Variants in MTIF2 observed in about 807,000 individuals in gnomAD.
The protein encoded by MTIF2 is translation initiation factor IF-2, mitochondrial.
A neutral mutation model predicts 83.5 loss-of-function variants in MTIF2; 71 were observed. That is an observed-to-expected ratio of 0.85 (90% CI 0.70 to 1.04). The LOEUF (loss-of-function observed/expected upper bound fraction) is 1.04, where lower values mean the gene tolerates loss of function less well. MTIF2 is among the 50% of genes least tolerant of loss of function. The pLI is 0.00. For synonymous variants in MTIF2, 319 were observed against 287.1 expected, an observed-to-expected ratio of 1.11 and a Z score of -1.12; for missense variants, 957 against 846.5, an observed-to-expected ratio of 1.13 and a Z score of -1.62.
rs1466597416 is a variant in MTIF2 at position 55,252,531 on chromosome 2, CATCTGCAGCTACAACCAATACGACA to C, written c.762_786del (p.Ile254MetfsTer4). 4 of 1,614,070 alleles carry C rather than the reference CATCTGCAGCTACAACCAATACGACA, an allele frequency of 2.5e-6. No individual in the cohort carries two copies. Among genetic ancestry groups the C allele is most frequent in the Non-Finnish European group, 3.4e-6 (4 of 1,180,022 alleles). ...TCTACAGTTTGTTTCATCACTCCAT[CATCTGCAGCTACAACCAATACGACA>C]ATGTCAGTGACCTGAGCACCTCTGG... is the stretch of plus-strand genomic sequence containing the variant. On this transcript the variant is annotated frameshift_variant, in exon 8 of 16. Transcript: ENST00000263629. LOFTEE classifies it high-confidence loss of function.
At chr2:55,264,436 C>T (rs1304342318) in intron 3 of MTIF2, among the ~76,000 whole-genome samples, 1 of 152,062 alleles carries the variant, frequency 6.6e-6, no homozygotes, top group Non-Finnish European at 1.5e-5. Flanking sequence ...GGTGTTTCAC[C>T]ACATTGTCTA....
At chr2:55,253,961 G>C (rs1302667044) in intron 7 of MTIF2, 80 bp downstream of exon 7, 31 of 1,439,812 alleles carry the variant, frequency 2.2e-5, no homozygotes, top group Non-Finnish European at 2.9e-5. Flanking sequence ...CTTTGAATTT[G>C]TATATTTCAT....
At position 55,240,123 on chromosome 2, in the gene MTIF2, A is replaced by C; in HGVS notation, c.1758T>G (p.Ala586=). Residue 586 remains alanine (A), a synonymous_variant, in exon 14 of 16, where the codon GCT becomes GCG. Transcript: ENST00000263629. ...GTTTAATTTTTACTCCTTTTTTTGCAGCTGACTGTTGGATAACATTGCCTG... is the reference window on the plus strand; with the variant it reads ...GTTTAATTTTTACTCCTTTTTTTGCCGCTGACTGTTGGATAACATTGCCTG... ...VNAGNVIQQS[A]AKKGVKIKLH... 1 of 1,614,000 alleles carries C rather than the reference A, an allele frequency of 6.2e-7. No individual in the cohort carries two copies. Among genetic ancestry groups the C allele is most frequent in the Non-Finnish European group, 8.5e-7 (1 of 1,179,960 alleles).
rs542297890 is a variant in MTIF2 at position 55,240,196 on chromosome 2, C to A, written c.1706-21G>T. 511 of 1,578,952 alleles carry A rather than the reference C, an allele frequency of 3.2e-4. 3 individuals carry two copies. In the South Asian group the frequency reaches 3.9e-3, roughly 12 times the overall value. Reference sequence around the variant, plus strand: ...AACACCTAGCAAACAGAAATATGATCAATGAAGTAGCACAACGATTACATT... The same window carrying A: ...AACACCTAGCAAACAGAAATATGATAAATGAAGTAGCACAACGATTACATT... On this transcript the variant is annotated intron_variant, in intron 13 of 15. Coordinates refer to ENST00000263629, the MANE Select transcript of MTIF2 (RefSeq NM_002453.3).
intron 13 of MTIF2, 36 bp from the exon 14 acceptor site, chr2:55,240,211 A>G (rs369373906): frequency 1.5e-5 from 22 of 1,515,318 alleles, no homozygotes; most frequent in Non-Finnish European, 1.8e-5. Context: ...AAGTAGCACA[A>G]CGATTACATT....
At position 55,236,643 on chromosome 2, in the gene MTIF2, T is replaced by G; in HGVS notation, c.*5A>C. The G allele has an allele frequency of 6.3e-7, 1 of 1,581,538 alleles. No individual in the cohort carries two copies. The highest frequency in any genetic ancestry group is 8.6e-7 in the Non-Finnish European group (1 of 1,168,912). On this transcript the variant is annotated 3_prime_UTR_variant, in exon 16 of 16. Transcript: ENST00000263629. ...CGTTGAGTTATTTACATTTTTAATG[T>G]AATTTTAAAATCCTGGATCCCAAGA...
chr2:55,236,872 C>T, intron 15 of MTIF2, 52 bp from the exon 16 acceptor site: 2 of 1,329,562 alleles, frequency 1.5e-6, no homozygotes, highest in South Asian at 1.5e-5. Context: ...TAAGTACCTA[C>T]TAAATACTAC....
chr2:55,246,271 T>G (rs1432333174), intron 10 of MTIF2, 66 bp downstream of exon 10: 78 of 1,469,788 alleles, frequency 5.3e-5, no homozygotes, highest in Non-Finnish European at 6.9e-5. Context: ...AATAATACAT[T>G]GTCATATAAT....
Position 55,245,740 on chromosome 2 carries a change from T to C in MTIF2, c.1106+597A>G, listed in dbSNP as rs539963772. 1.3e-4 allele frequency among the ~76,000 whole-genome samples: 14 copies of C among 103,858 alleles called. 1 individual carries two copies. In the South Asian group the frequency reaches 4.5e-3, roughly 33 times the overall value. The allele number at this position is 103,858 out of a possible 152,430, so 68.1% of individuals were successfully genotyped here. ...TAATAAATGGGATGTTAGGTGTTTCTTACCATAATTTAAAAAAAAAATAAT... is the reference window on the plus strand; with the variant it reads ...TAATAAATGGGATGTTAGGTGTTTCCTACCATAATTTAAAAAAAAAATAAT... On this transcript the variant is annotated intron_variant, in intron 10 of 15. Transcript: ENST00000263629.
chr2:55,267,033 G>A (rs568625767), intron 3 of MTIF2, among the ~76,000 whole-genome samples: 46 of 152,062 alleles, frequency 3.0e-4, no homozygotes, highest in Non-Finnish European at 5.7e-4. Context: ...GCCTCCCAAA[G>A]TGCTGGGATT....
chr2:55,248,585 G>A (rs1676867628), intron 9 of MTIF2, among the ~76,000 whole-genome samples: 1 of 152,090 alleles, frequency 6.6e-6, no homozygotes. Flanking sequence ...GAGTTTCCTT[G>A]GTGTTTATAT....
chr2:55,242,841 T>C (rs1335080225), intron 13 of MTIF2, 99 bp downstream of exon 13: 1 of 1,242,636 alleles, frequency 8.0e-7, no homozygotes, highest in Non-Finnish European at 1.1e-6. Context: ...CTGATAGCAG[T>C]AAATGTCAGG....
At position 55,243,526 on chromosome 2, in the gene MTIF2, A is replaced by G. The variant is rs1384373936; in HGVS notation, c.1454T>C (p.Leu485Pro). The change falls in exon 12 of 16, where the codon CTG becomes CCG. Residue 485 changes from leucine to proline, a missense_variant. By Grantham distance (98) the Leu-to-Pro change is moderately conservative (BLOSUM62 -3). This residue lies in a region of MTIF2 where 733 missense variants were observed against 648.7 expected (regional missense o/e 1.13). Coordinates refer to ENST00000263629, the MANE Select transcript of MTIF2 (RefSeq NM_002453.3). ...CCGTAGAATTGATCTCTTCTTCCACAGTAGATGGCCATACTTCTCACGGGC... is the reference window on the plus strand; with the variant it reads ...CCGTAGAATTGATCTCTTCTTCCACGGTAGATGGCCATACTTCTCACGGGC... ...QKAREKYGHL[L>P]WKKRSILRFL... 3 of 1,613,904 alleles carry G rather than the reference A, an allele frequency of 1.9e-6. No homozygotes were observed. The highest frequency in any genetic ancestry group is 2.5e-6 in the Non-Finnish European group (3 of 1,179,990).
chr2:55,265,461 C>T (rs1678361097), intron 3 of MTIF2, among the ~76,000 whole-genome samples: 1 of 151,358 alleles, frequency 6.6e-6, no homozygotes, highest in Admixed American at 6.6e-5. Flanking sequence ...AACCTAGGGT[C>T]GTGTTTTCAT....
chr2:55,256,355 G>A (rs533041126), intron 5 of MTIF2, among the ~76,000 whole-genome samples: 3 of 150,978 alleles, frequency 2.0e-5, no homozygotes, highest in South Asian at 4.2e-4. Context: ...ACATGTATCC[G>A]CAATTCATTT....
chr2:55,265,814 C>T (rs560720501), intron 3 of MTIF2, among the ~76,000 whole-genome samples: 102 of 152,264 alleles, frequency 6.7e-4, no homozygotes, highest in Middle Eastern at 3.4e-3. Flanking sequence ...ATGTGTTCCA[C>T]ATTTGTGGAT....
rs1678536670 is a variant in MTIF2, at chr2:55,267,638, G to A, written c.-74-3C>T. ...TATGGGCCTCATTTTCCGGATCTCT[G>A]TTAAAAATAAATAAATAAATAAGTG... On this transcript the variant is annotated splice_region_variant and splice_polypyrimidine_tract_variant and intron_variant, in intron 2 of 15. Transcript: ENST00000263629. 1 of 165,002 alleles carries A rather than the reference G, an allele frequency of 6.1e-6. No individual in the cohort carries two copies. The highest frequency in any genetic ancestry group is 1.5e-5 in the Non-Finnish European group (1 of 68,074). The allele number at this position is 165,002 out of a possible 1,614,324, so 10.2% of individuals were successfully genotyped here. A position where few individuals can be genotyped will look rare whatever the true frequency, so the allele number is the denominator to read the frequency against.
chr2:55,252,810 A>G (rs920351060), intron 7 of MTIF2, among the ~76,000 whole-genome samples, 157 bp from the exon 8 acceptor site: 2 of 152,236 alleles, frequency 1.3e-5, no homozygotes, highest in African/African-American at 4.8e-5. Flanking sequence ...TCATTTCACA[A>G]TGAAAAGTGA....
At chr2:55,253,287 T>C (rs1256749039) in intron 7 of MTIF2, among the ~76,000 whole-genome samples, 2 of 152,194 alleles carry the variant, frequency 1.3e-5, no homozygotes, top group East Asian at 1.9e-4. Flanking sequence ...TTATCAGCAA[T>C]ATTATCACAA....
Sources: allele counts gnomAD v4.1 joint callset (sites outside exome capture counted in the v4.1 genomes callset), GRCh38; gene constraint gnomAD v4.1.1; regional missense constraint gnomAD v4.1.1; transcripts MANE v1.5; gene names NCBI Gene and HGNC (gene_info 2026-07-23, HGNC 2026-07-21).